The following KCNIP4 variants were observed in gnomAD, a reference collection of about 807,000 sequenced individuals.
KCNIP4 encodes Kv channel-interacting protein 4.
KCNIP4 carries 12 observed loss-of-function variants against 34.0 expected under a neutral mutation model. That is an observed-to-expected ratio of 0.35 (90% CI 0.23 to 0.57). The LOEUF is 0.57. Among genes scored for constraint, KCNIP4 ranks in the 20% least tolerant of loss-of-function variants. The pLI is 0.83. For missense variants in KCNIP4, 238 were observed against 311.7 expected, an observed-to-expected ratio of 0.76 and a Z score of 1.78; for synonymous variants, 124 against 102.2, an observed-to-expected ratio of 1.21 and a Z score of -1.29.
intron 1 of KCNIP4, among the ~76,000 whole-genome samples, chr4:21,313,715 A>G (rs551626937): frequency 5.9e-5 from 9 of 152,338 alleles, no homozygotes; most frequent in African/African-American, 1.9e-4. Context: ...GCTTGTATGG[A>G]TAACTGAGAG....
intron 1 of KCNIP4, among the ~76,000 whole-genome samples, chr4:21,905,233 G>C (rs184269190): frequency 3.3e-5 from 5 of 152,000 alleles, no homozygotes; most frequent in African/African-American, 9.7e-5. Context: ...GGACCATTCT[G>C]TCTTTCCTAG....
chr4:20,746,283 A>G (rs941838344), intron 5 of KCNIP4, among the ~76,000 whole-genome samples: 4 of 152,124 alleles, frequency 2.6e-5, no homozygotes, highest in African/African-American at 7.2e-5. Flanking sequence ...CAGTAAACCA[A>G]ACATTGCATG....
chr4:21,518,661 C>A (rs1422273813), intron 1 of KCNIP4, among the ~76,000 whole-genome samples: 1 of 152,036 alleles, frequency 6.6e-6, no homozygotes, highest in Non-Finnish European at 1.5e-5. Context: ...TCATCTGTAT[C>A]AGGAATGGGG....
chr4:21,359,798 G>C (rs1229652919), intron 1 of KCNIP4, among the ~76,000 whole-genome samples: 1 of 152,060 alleles, frequency 6.6e-6, no homozygotes, highest in Admixed American at 6.6e-5. Context: ...AATTGGTCCT[G>C]AGGTCAAACA....
At chr4:21,748,177 T>C (rs1218471412) in intron 1 of KCNIP4, among the ~76,000 whole-genome samples, 1 of 152,094 alleles carries the variant, frequency 6.6e-6, no homozygotes, top group East Asian at 1.9e-4. Context: ...ATGAAGACAA[T>C]GATGCCACAT....
chr4:21,395,719 GAC>G (rs1722929925), intron 1 of KCNIP4, among the ~76,000 whole-genome samples: 1 of 152,098 alleles, frequency 6.6e-6, no homozygotes, highest in Non-Finnish European at 1.5e-5. Context: ...GTCCTATAGA[GAC>G]AATCACATAC....
At chr4:21,850,838 A>T (rs570976329) in intron 1 of KCNIP4, 1 of 152,184 alleles carries the variant, frequency 6.6e-6, no homozygotes, top group Non-Finnish European at 1.5e-5. Context: ...CATGCCTTTT[A>T]ACCCAAACAC....
intron 1 of KCNIP4, among the ~76,000 whole-genome samples, chr4:21,349,095 G>A (rs1717751272): frequency 6.6e-6 from 1 of 152,150 alleles, no homozygotes; most frequent in South Asian, 2.1e-4. Flanking sequence ...TTAGAACCTT[G>A]CCTTCACCAT....
Position 21,104,771 on chromosome 4 carries a change from A to G in KCNIP4, c.62-222062T>C, listed in dbSNP as rs186582031. ...TAATCCACCTTTAATTAATTTTTGTATAAGGTGTAAGGAAGGGATCCAGTT... is the reference window on the plus strand; with the variant it reads ...TAATCCACCTTTAATTAATTTTTGTGTAAGGTGTAAGGAAGGGATCCAGTT... On this transcript the variant is annotated intron_variant, in intron 1 of 8. Transcript: ENST00000382152. 2.6e-3 allele frequency among the ~76,000 whole-genome samples: 392 copies of G among 151,756 alleles called. 19 individuals are homozygous for G. Among genetic ancestry groups the G allele is most frequent in the African/African-American group, 9.0e-3 (371 of 41,036 alleles).
In KCNIP4 at chr4:20,802,275, C is replaced by CTATATATATATGCAATATATATATGCAA. The variant is rs1160929298; in HGVS notation, c.289-43413_289-43386dup. 1.4e-4 allele frequency among the ~76,000 whole-genome samples: 9 copies of CTATATATATATGCAATATATATATGCAA among 63,050 alleles called. No individual in the cohort carries two copies. In the East Asian group the frequency reaches 2.3e-3, roughly 16 times the overall value. The allele number at this position is 63,050 out of a possible 152,430, so 41.4% of individuals were successfully genotyped here. Reference sequence around the variant, plus strand: ...ATGCTACATATATGCTATATATATGCTATATATATATGCAATATATATATG... The same window carrying CTATATATATATGCAATATATATATGCAA: ...ATGCTACATATATGCTATATATATGCTATATATATATGCAATATATATATGCAATATATATATATGCAATATATATATG... On this transcript the variant is annotated intron_variant, in intron 3 of 8. Transcript: ENST00000382152.
At position 20,900,628 on chromosome 4, in the gene KCNIP4, C is replaced by T. The variant is rs77293996; in HGVS notation, c.62-17919G>A. 3.9e-5 allele frequency among the ~76,000 whole-genome samples: 6 copies of T among 152,156 alleles called. No homozygotes were observed. In the East Asian group the frequency reaches 9.7e-4, roughly 25 times the overall value. ...GGCAAACCTTTCTGTCCCTGGGAGA[C>T]AAGCACGTTCAGAAAAGCAGAACCT... On this transcript the variant is annotated intron_variant, in intron 1 of 8. Transcript: ENST00000382152.
intron 1 of KCNIP4, among the ~76,000 whole-genome samples, chr4:21,461,786 G>A (rs1038639801): frequency 6.6e-6 from 1 of 151,862 alleles, no homozygotes; most frequent in Non-Finnish European, 1.5e-5. Context: ...TGGTTAAGAG[G>A]TTAATGGTGC....
intron 1 of KCNIP4, among the ~76,000 whole-genome samples, chr4:21,381,566 G>A (rs1721505724): frequency 6.6e-6 from 1 of 152,174 alleles, no homozygotes; most frequent in Admixed American, 6.5e-5. Flanking sequence ...ATGTGTAACA[G>A]AGCTCAACCA....
At chr4:20,912,492 C>T (rs1315836403) in intron 1 of KCNIP4, among the ~76,000 whole-genome samples, 1 of 151,990 alleles carries the variant, frequency 6.6e-6, no homozygotes. Flanking sequence ...TATATAACAA[C>T]TAAAGCGTAA....
At chr4:21,143,353 G>A (rs1363584909) in intron 1 of KCNIP4, among the ~76,000 whole-genome samples, 4 of 152,182 alleles carry the variant, frequency 2.6e-5, no homozygotes, top group African/African-American at 9.7e-5. Context: ...AATAAGGGTG[G>A]TCTCTAGGAG....
intron 1 of KCNIP4, among the ~76,000 whole-genome samples, chr4:21,378,661 T>C (rs558462679): frequency 4.3e-4 from 65 of 152,330 alleles, no homozygotes; most frequent in African/African-American, 1.5e-3. Context: ...CATTTGATCA[T>C]GCCATGTTCT....
intron 1 of KCNIP4, among the ~76,000 whole-genome samples, chr4:21,864,339 C>T (rs1397263989): frequency 6.6e-6 from 1 of 152,188 alleles, no homozygotes; most frequent in Non-Finnish European, 1.5e-5. Flanking sequence ...AGGATATTCA[C>T]AAGATCACAT....
intron 1 of KCNIP4, among the ~76,000 whole-genome samples, chr4:21,074,698 C>A (rs1560698331): frequency 6.6e-6 from 1 of 152,110 alleles, no homozygotes; most frequent in Non-Finnish European, 1.5e-5. Context: ...TGTGTTTGCT[C>A]TTGCTTCCCT....
At position 20,730,014 on chromosome 4, in the gene KCNIP4, T is replaced by C; in HGVS notation, c.*68A>G. 1.3e-6 allele frequency: 2 copies of C among 1,532,516 alleles called. No individual in the cohort carries two copies. The highest frequency in any genetic ancestry group is 2.8e-5 in the African/African-American group (2 of 72,256). The allele number at this position is 1,532,516 out of a possible 1,614,324, so 94.9% of individuals were successfully genotyped here. ...GCTGAGCAATCTATGCTAAAAGTGG[T>C]AGCTCCAACTTTAAGGGTGGTAGAA... On this transcript the variant is annotated 3_prime_UTR_variant, in exon 9 of 9. Transcript: ENST00000382152.
Sources: gnomAD v4.1 joint callset for allele counts (sites outside exome capture counted in the v4.1 genomes callset) on GRCh38, gnomAD v4.1.1 for gene constraint, MANE v1.5 for transcripts, NCBI Gene and HGNC (gene_info 2026-07-23, HGNC 2026-07-21) for gene names.